The following C10orf90 variants were observed in gnomAD, a reference collection of about 807,000 sequenced individuals.
C10orf90 encodes (E2-independent) E3 ubiquitin-conjugating enzyme FATS.
In C10orf90, 56 loss-of-function variants were observed where a neutral mutation model predicts 62.5. The ratio of observed to expected loss-of-function variants is 0.90; its 90% CI spans 0.72 to 1.12. The LOEUF is 1.12. Ranked by LOEUF, C10orf90 falls within the 50% of genes most tolerant of loss-of-function variation. The pLI is 0.00. For synonymous variants in C10orf90, 386 were observed against 340.4 expected (o/e 1.13, Z -1.47); for missense variants, 970 against 880.4 (o/e 1.10, Z -1.29).
intron 4 of C10orf90, among the ~76,000 whole-genome samples, chr10:126,471,213 G>A (rs535746825): frequency 6.7e-6 from 1 of 149,408 alleles, no homozygotes; most frequent in Admixed American, 6.7e-5. Context: ...GAGAAGGAAT[G>A]GGAATGCCAA....
intron 2 of C10orf90, among the ~76,000 whole-genome samples, chr10:126,590,908 A>T (rs1844965455): frequency 6.6e-6 from 1 of 152,240 alleles, no homozygotes; most frequent in Non-Finnish European, 1.5e-5. Flanking sequence ...AGAGAATGTT[A>T]TAAATATCTA....
intron 4 of C10orf90, among the ~76,000 whole-genome samples, chr10:126,490,569 G>A (rs1220107485): frequency 6.6e-6 from 1 of 152,038 alleles, no homozygotes; most frequent in East Asian, 1.9e-4. Flanking sequence ...TTGCAAAACA[G>A]TATGAATGTA....
At chr10:126,603,505 T>A (rs1845242672) in intron 2 of C10orf90, among the ~76,000 whole-genome samples, 1 of 152,092 alleles carries the variant, frequency 6.6e-6, no homozygotes. Context: ...CCAAACCATA[T>A]CATCATGCAT....
intron 2 of C10orf90, among the ~76,000 whole-genome samples, chr10:126,549,195 A>C (rs1386180915): frequency 1.3e-5 from 2 of 152,236 alleles, no homozygotes; most frequent in Admixed American, 1.3e-4. Context: ...TTCCTCTATG[A>C]AAGACCTTGT....
intron 2 of C10orf90, among the ~76,000 whole-genome samples, chr10:126,609,403 CA>C (rs1334953965): frequency 6.6e-6 from 1 of 152,000 alleles, no homozygotes; most frequent in Non-Finnish European, 1.5e-5. Flanking sequence ...AACTCCATCT[CA>C]AAAAACAAAA....
At chr10:126,525,580 A>C (rs1640918296) in intron 2 of C10orf90, among the ~76,000 whole-genome samples, 1 of 152,082 alleles carries the variant, frequency 6.6e-6, no homozygotes, top group Non-Finnish European at 1.5e-5. Flanking sequence ...CCAAGTTGTA[A>C]ATCTCTCATT....
At chr10:126,553,565 C>T (rs1864687436) in intron 2 of C10orf90, among the ~76,000 whole-genome samples, 2 of 152,126 alleles carry the variant, frequency 1.3e-5, no homozygotes, top group South Asian at 4.1e-4. Context: ...CAATGCATTA[C>T]CTTTCCTACG....
At chr10:126,632,185 C>A (rs1212350389) in intron 2 of C10orf90, among the ~76,000 whole-genome samples, 1 of 151,992 alleles carries the variant, frequency 6.6e-6, no homozygotes, top group Non-Finnish European at 1.5e-5. Context: ...TCCACCCCAC[C>A]CTCTAATGTT....
intron 1 of C10orf90, among the ~76,000 whole-genome samples, chr10:126,654,191 G>A (rs1470923893): frequency 6.6e-6 from 1 of 152,156 alleles, no homozygotes; most frequent in South Asian, 2.1e-4. Context: ...AAGAGAGTCA[G>A]CCTGTCCTGT....
At chr10:126,667,703 G>A (rs77504089) in intron 1 of C10orf90, among the ~76,000 whole-genome samples, 2 of 152,146 alleles carry the variant, frequency 1.3e-5, no homozygotes, top group Non-Finnish European at 2.9e-5. Flanking sequence ...GCTGCATAGA[G>A]AGTCTCAGAA....
intron 7 of C10orf90, among the ~76,000 whole-genome samples, chr10:126,447,096 G>A (rs1427063644): frequency 6.6e-6 from 1 of 151,852 alleles, no homozygotes; most frequent in African/African-American, 2.4e-5. Flanking sequence ...GGAAGACATC[G>A]ACAAAGGAAG....
rs572840007 is a variant in C10orf90 at position 126,636,146 on chromosome 10, A to G, written c.313+10419T>C. Among the ~76,000 whole-genome samples, 12 of 152,306 alleles carry G rather than the reference A, an allele frequency of 7.9e-5. No individual in the cohort carries two copies. In the South Asian group the frequency reaches 2.5e-3, roughly 32 times the overall value. On this transcript the variant is annotated intron_variant, in intron 2 of 9. Coordinates refer to ENST00000488181, the MANE Select transcript of C10orf90 (RefSeq NM_001350921.2). ...CCAGACCTTACCTGTCTTCTGCTCA[A>G]ACACAGAAATACAATTTGCAGCAGG...
chr10:126,575,239 T>C (rs1293447221), intron 2 of C10orf90, among the ~76,000 whole-genome samples: 5 of 151,988 alleles, frequency 3.3e-5, no homozygotes, highest in African/African-American at 9.7e-5. Context: ...TATGATCTTA[T>C]ATACAGAAAA....
At chr10:126,436,642 G>A (rs1307032351) in intron 7 of C10orf90, among the ~76,000 whole-genome samples, 1 of 152,112 alleles carries the variant, frequency 6.6e-6, no homozygotes, top group Non-Finnish European at 1.5e-5. Context: ...TGCACCCATT[G>A]CGGGAGCAGA....
chr10:126,656,440 T>C (rs1278733617), intron 1 of C10orf90, among the ~76,000 whole-genome samples: 5 of 152,182 alleles, frequency 3.3e-5, no homozygotes, highest in African/African-American at 7.2e-5. Context: ...TAAGAGTCCA[T>C]GAAAAATTGA....
rs572787487 is a variant in C10orf90, at chr10:126,612,872, T to C, written c.313+33693A>G. 6.1e-3 allele frequency among the ~76,000 whole-genome samples: 922 copies of C among 152,300 alleles called. 8 individuals carry two copies. The highest frequency in any genetic ancestry group is 0.018 in the South Asian group (88 of 4,828). ...TAAAAATTAGCGGCCAATTAATACT[T>C]TTCAGCTTCCAGCCTGTTAGAAATG... is the stretch of plus-strand genomic sequence containing the variant. On this transcript the variant is annotated intron_variant, in intron 2 of 9. Coordinates refer to ENST00000488181, the MANE Select transcript of C10orf90 (RefSeq NM_001350921.2).
At chr10:126,467,310 T>G (rs1860346549) in intron 4 of C10orf90, among the ~76,000 whole-genome samples, 1 of 152,234 alleles carries the variant, frequency 6.6e-6, no homozygotes, top group Non-Finnish European at 1.5e-5. Flanking sequence ...GACTACTGAT[T>G]GATCAGGTCT....
intron 2 of C10orf90, among the ~76,000 whole-genome samples, chr10:126,547,272 A>G (rs1864518473): frequency 6.6e-6 from 1 of 151,750 alleles, no homozygotes. Flanking sequence ...AAAAAAAATT[A>G]GCCGGGCGTG....
intron 1 of C10orf90, among the ~76,000 whole-genome samples, chr10:126,649,076 C>CG (rs376687022): frequency 1.9e-3 from 78 of 41,898 alleles, no homozygotes; most frequent in East Asian, 2.9e-3. Flanking sequence ...CTCTCTCCCC[C>CG]CCCCCCAGCA....
Sources: allele counts gnomAD v4.1 joint callset (sites outside exome capture counted in the v4.1 genomes callset), GRCh38; gene constraint gnomAD v4.1.1; transcripts MANE v1.5; gene names NCBI Gene and HGNC (gene_info 2026-07-23, HGNC 2026-07-21).